TVP23C: variants seen among roughly 807,000 people sequenced by gnomAD.
The protein encoded by TVP23C is Golgi apparatus membrane protein TVP23 homolog C.
In TVP23C, 19 loss-of-function variants were observed where a neutral mutation model predicts 28.7. The ratio of observed to expected loss-of-function variants is 0.66; its 90% CI spans 0.46 to 0.97. The LOEUF (loss-of-function observed/expected upper bound fraction) is 0.97. Ranked by LOEUF, TVP23C falls within the 50% of genes least tolerant of loss-of-function variation. TVP23C has a pLI of 0.00. For missense variants in TVP23C, 186 were observed against 241.3 expected (o/e 0.77, Z 1.52); for synonymous variants, 68 against 81.7 (o/e 0.83, Z 0.90).
chr17:15,502,721 T>C, exon 6 of TVP23C: 3 of 1,013,848 alleles, frequency 3.0e-6, no homozygotes, highest in Non-Finnish European at 4.0e-6. Flanking sequence ...CTCTCTCTCC[T>C]CTCTCTCTCT....
chr17:15,510,369 C>G (rs1402674037), intron 5 of TVP23C, among the ~76,000 whole-genome samples: 2 of 152,094 alleles, frequency 1.3e-5, no homozygotes, highest in Non-Finnish European at 2.9e-5. Flanking sequence ...TACAAGCGGC[C>G]AATAAACATG....
intron 5 of TVP23C, among the ~76,000 whole-genome samples, chr17:15,513,801 A>G (rs1043740759): frequency 1.3e-5 from 2 of 152,120 alleles, no homozygotes; most frequent in African/African-American, 2.4e-5. Context: ...TCACCACCCC[A>G]CCGGCTCCAT....
At chr17:15,547,765 G>A (rs1273012338) in intron 3 of TVP23C, among the ~76,000 whole-genome samples, 2 of 152,176 alleles carry the variant, frequency 1.3e-5, no homozygotes, top group Non-Finnish European at 2.9e-5. Context: ...TACCAACTGA[G>A]TTAAGTCCTG....
At chr17:15,517,350 A>G (rs73289553) in intron 5 of TVP23C, among the ~76,000 whole-genome samples, 3,274 of 152,334 alleles carry the variant, frequency 0.021, 101 homozygotes, top group African/African-American at 0.075. Context: ...ATACGCATCA[A>G]TAGTTAGGCA....
At position 15,520,315 on chromosome 17, in the gene TVP23C, C is replaced by T. The variant is rs1982419550; in HGVS notation, c.463-17083G>A. On this transcript the variant is annotated intron_variant, in intron 5 of 5. Coordinates refer to the TVP23C transcript ENST00000225576. ...TCAGTCTTCCCTACTGCCAGTTAAA[C>T]AGCCCAGGACTTCTAACTATTTTCC... is the stretch of plus-strand genomic sequence containing the variant. Among the ~76,000 whole-genome samples, 3 of 149,428 alleles carry T rather than the reference C, an allele frequency of 2.0e-5. No individual in the cohort carries two copies. In the South Asian group the frequency reaches 6.3e-4, roughly 32 times the overall value.
At chr17:15,519,604 T>C (rs563278763) in intron 5 of TVP23C, among the ~76,000 whole-genome samples, 1 of 152,308 alleles carries the variant, frequency 6.6e-6, no homozygotes, top group East Asian at 1.9e-4. Flanking sequence ...TTTCTCAACA[T>C]GCCTTAAAAG....
chr17:15,555,867 T>C lies in TVP23C; in HGVS notation c.13-503A>G, dbSNP rs1984107129. ...CCTCCTCGGGGATTTGTTTCATCAT[T>C]TTCCCCTGTATTTACACTTTCTTCT... On this transcript the variant is annotated intron_variant, in intron 1 of 5. Transcript: ENST00000518321. Among the ~76,000 whole-genome samples, 3 of 152,178 alleles carry C rather than the reference T, an allele frequency of 2.0e-5. No individual in the cohort carries two copies. The South Asian group carries it at 6.2e-4, about 32-fold the overall frequency.
intron 3 of TVP23C, among the ~76,000 whole-genome samples, chr17:15,551,429 G>T (rs1029511153): frequency 6.6e-6 from 1 of 151,936 alleles, no homozygotes; most frequent in Non-Finnish European, 1.5e-5. Context: ...AATTTTTAAA[G>T]CCATTATTTA....
At position 15,538,534 on chromosome 17, in the gene TVP23C, G is replaced by A; in HGVS notation, c.*1878C>T. 9.0e-6 allele frequency: 8 copies of A among 889,014 alleles called. No homozygotes were observed. Among genetic ancestry groups the A allele is most frequent in the Non-Finnish European group, 1.1e-5 (8 of 741,960 alleles). The allele number at this position is 889,014 out of a possible 1,614,324, so 55.1% of individuals were successfully genotyped here. ...GAACCCGGGAGGTGGAGTTTGCAGT[G>A]AGCCGAGATCGCGCCACTGCACTCC... On this transcript the variant is annotated 3_prime_UTR_variant, in exon 6 of 6. Coordinates refer to ENST00000518321, the MANE Select transcript of TVP23C (RefSeq NM_001135036.2).
chr17:15,523,012 A>T (rs1414719594), intron 5 of TVP23C, among the ~76,000 whole-genome samples: 25 of 146,708 alleles, frequency 1.7e-4, no homozygotes, highest in Admixed American at 1.1e-3. Flanking sequence ...ATAGAGCAGA[A>T]TTTTTTTTTT....
chr17:15,534,793 A>T (rs1325884677), downstream of TVP23C, among the ~76,000 whole-genome samples: 1 of 151,590 alleles, frequency 6.6e-6, no homozygotes, highest in Non-Finnish European at 1.5e-5. Context: ...ACATAGAGAA[A>T]CCCTGTATCT....
chr17:15,552,874 C>A (rs1363444099), intron 3 of TVP23C, among the ~76,000 whole-genome samples: 1 of 150,488 alleles, frequency 6.6e-6, no homozygotes, highest in Non-Finnish European at 1.5e-5. Context: ...ACCCAAATAT[C>A]TATCATCTAG....
exon 6 of TVP23C, chr17:15,502,561 C>T (rs1981492351): frequency 6.3e-6 from 2 of 318,320 alleles, no homozygotes; most frequent in Non-Finnish European, 1.1e-5. Context: ...CTCACCGCAT[C>T]CTTCCTCGGG....
chr17:15,549,921 TA>T (rs889697092), intron 3 of TVP23C, among the ~76,000 whole-genome samples: 138 of 140,460 alleles, frequency 9.8e-4, no homozygotes, highest in South Asian at 2.0e-3. Flanking sequence ...AGATGCTAAG[TA>T]AAAAAAAAAA....
chr17:15,504,223 G>C (rs1437216485), intron 5 of TVP23C, among the ~76,000 whole-genome samples: 1 of 152,134 alleles, frequency 6.6e-6, no homozygotes, highest in Non-Finnish European at 1.5e-5. Context: ...TTATATTCCT[G>C]CATTTTCAAC....
chr17:15,542,508 G>A (rs190157644), intron 5 of TVP23C, among the ~76,000 whole-genome samples: 91 of 151,920 alleles, frequency 6.0e-4, no homozygotes, highest in African/African-American at 2.0e-3. Flanking sequence ...ACGGAGTCTC[G>A]CTCTGTCACT....
downstream of TVP23C, among the ~76,000 whole-genome samples, chr17:15,533,626 G>A (rs565162258): frequency 3.9e-5 from 6 of 152,244 alleles, no homozygotes; most frequent in African/African-American, 1.2e-4. Context: ...CGGTTGAATC[G>A]AGTTGGGTTT....
chr17:15,517,203 A>G (rs932816525), intron 5 of TVP23C, among the ~76,000 whole-genome samples: 1 of 152,174 alleles, frequency 6.6e-6, no homozygotes, highest in African/African-American at 2.4e-5. Context: ...CCCAACTGAT[A>G]ATAAGCTTTC....
intron 5 of TVP23C, among the ~76,000 whole-genome samples, chr17:15,514,186 T>A (rs986852100): frequency 6.6e-6 from 1 of 152,234 alleles, no homozygotes; most frequent in Non-Finnish European, 1.5e-5. Context: ...AAGAATCTTC[T>A]TTCGAGTTGG....
Sources: allele counts gnomAD v4.1 joint callset (sites outside exome capture counted in the v4.1 genomes callset), GRCh38; gene constraint gnomAD v4.1.1; transcripts MANE v1.5; gene names NCBI Gene and HGNC (gene_info 2026-07-23, HGNC 2026-07-21).